LRRC74B: variants seen among roughly 807,000 people sequenced by gnomAD.
The protein encoded by LRRC74B is leucine rich repeat containing 74B, also known as leucine-rich repeat-containing protein 74B.
Under a neutral mutation model 16.6 loss-of-function variants are expected in LRRC74B, and 30 were observed. The observed-to-expected ratio is 1.80, with a 90% confidence interval of 1.35 to 2.45. LRRC74B has a LOEUF of 2.45. LRRC74B is among the 30% of genes most tolerant of loss of function. The probability of loss-of-function intolerance (pLI) is 0.00; values close to 1 mark genes in which losing one functional copy is unlikely to be tolerated. For missense variants in LRRC74B, 326 were observed against 202.4 expected, an observed-to-expected ratio of 1.61 and a Z score of -3.71; for synonymous variants, 134 against 86.0, an observed-to-expected ratio of 1.56 and a Z score of -3.09.
chr22:21,058,281 G>A (rs1930653027), intron 8 of LRRC74B, among the ~76,000 whole-genome samples: 1 of 151,992 alleles, frequency 6.6e-6, no homozygotes, highest in South Asian at 2.1e-4. Flanking sequence ...AGGCTGAGGT[G>A]GGAGGATCCC....
intron 7 of LRRC74B, chr22:21,056,899 G>T: frequency 1.8e-6 from 1 of 570,566 alleles, no homozygotes; most frequent in East Asian, 2.9e-5. Flanking sequence ...TATATCAATC[G>T]GAGGCCTCTC....
intron 4 of LRRC74B, among the ~76,000 whole-genome samples, chr22:21,050,001 A>C (rs141368732): frequency 3.3e-5 from 5 of 152,210 alleles, no homozygotes; most frequent in African/African-American, 1.2e-4. Flanking sequence ...ATGCTGGTGA[A>C]TCTGTATTTT....
At chr22:21,049,819 A>G (rs1929842383) in intron 4 of LRRC74B, among the ~76,000 whole-genome samples, 2 of 151,918 alleles carry the variant, frequency 1.3e-5, no homozygotes, top group Non-Finnish European at 2.9e-5. Flanking sequence ...GGATTCCTTG[A>G]TCTCATCACT....
exon 6 of LRRC74B, chr22:21,053,437 T>G (rs759834792): frequency 2.8e-6 from 2 of 717,322 alleles, no homozygotes; most frequent in South Asian, 1.5e-5. Flanking sequence ...TGGGTGAGGC[T>G]CTGAAGGCCA....
At chr22:21,048,725 A>G (rs2148136648) in intron 3 of LRRC74B, 1 of 564,498 alleles carries the variant, frequency 1.8e-6, no homozygotes, top group East Asian at 3.0e-5. Context: ...ACCAGGAGGT[A>G]GGCGGTTTTA....
At chr22:21,052,758 A>G (rs961014600) in intron 5 of LRRC74B, among the ~76,000 whole-genome samples, 3 of 152,178 alleles carry the variant, frequency 2.0e-5, no homozygotes, top group African/African-American at 7.2e-5. Flanking sequence ...GTTGTGGTTC[A>G]TAGGGCTCGG....
exon 2 of LRRC74B, chr22:21,047,456 C>T (rs1414513634): frequency 2.0e-5 from 14 of 717,406 alleles, no homozygotes; most frequent in South Asian, 4.4e-5. Flanking sequence ...GCCAAGGGAG[C>T]GCCCAAGAGC....
At chr22:21,052,255 C>T in exon 5 of LRRC74B, 2 of 717,498 alleles carry the variant, frequency 2.8e-6, no homozygotes, top group South Asian at 1.5e-5. Flanking sequence ...GAAGGGGAGA[C>T]ACTTGGACCA....
At chr22:21,052,129 A>C (rs896767931) in intron 4 of LRRC74B, 120 bp from the exon 5 acceptor site, 5 of 668,506 alleles carry the variant, frequency 7.5e-6, no homozygotes, top group Non-Finnish European at 1.4e-5. Flanking sequence ...GCAGGCCCAC[A>C]TTAGTTTCAT....
chr22:21,052,405 C>G, intron 5 of LRRC74B, 47 bp downstream of exon 5: 1 of 715,204 alleles, frequency 1.4e-6, no homozygotes, highest in Non-Finnish European at 2.6e-6. Context: ...CTGCTGGGGC[C>G]TGTCTCCCAG....
intron 3 of LRRC74B, chr22:21,048,627 G>T: frequency 2.7e-6 from 1 of 373,586 alleles, no homozygotes; most frequent in South Asian, 3.2e-5. Flanking sequence ...CAACGGGGCT[G>T]TGAGGGCTTC....
At chr22:21,055,123 G>A (rs1422750168) in exon 7 of LRRC74B, 10 of 717,210 alleles carry the variant, frequency 1.4e-5, no homozygotes, top group Non-Finnish European at 2.1e-5. Flanking sequence ...TGCGATGGGA[G>A]CCCTGAGCCT....
At chr22:21,046,517 G>T (rs1296728535) in intron 1 of LRRC74B, among the ~76,000 whole-genome samples, 1 of 152,168 alleles carries the variant, frequency 6.6e-6, no homozygotes, top group East Asian at 1.9e-4. Context: ...CCTGACTCTG[G>T]CAGGATTAGC....
chr22:21,048,262 A>T, intron 3 of LRRC74B: 2 of 504,212 alleles, frequency 4.0e-6, no homozygotes, highest in South Asian at 2.1e-5. Flanking sequence ...GCTGGCCAGC[A>T]TCCCCCTCTT....
At chr22:21,060,490 G>C (rs1930759309) in exon 9 of LRRC74B, 3 of 716,178 alleles carry the variant, frequency 4.2e-6, no homozygotes, top group Admixed American at 4.0e-5. Context: ...GTTGCTGCCA[G>C]TCTTCAGATC....
chr22:21,063,828 A>C (rs1200920027), downstream of LRRC74B: 1 of 152,266 alleles, frequency 6.6e-6, no homozygotes, highest in East Asian at 1.9e-4. Context: ...TACAAAAATT[A>C]GCCAGGTATG....
At chr22:21,053,689 T>A (rs1339095178) in intron 6 of LRRC74B, 3 of 394,978 alleles carry the variant, frequency 7.6e-6, no homozygotes, top group African/African-American at 6.2e-5. Flanking sequence ...AGTGCTGTGA[T>A]CATGGCCCAC....
exon 4 of LRRC74B, chr22:21,049,049 G>C: frequency 1.4e-6 from 1 of 715,908 alleles, no homozygotes; most frequent in Non-Finnish European, 2.6e-6. Context: ...GCAGCTGTCA[G>C]GGAATGGCCT....
At chr22:21,055,829 C>T (rs1296054472) in intron 7 of LRRC74B, among the ~76,000 whole-genome samples, 1 of 152,204 alleles carries the variant, frequency 6.6e-6, no homozygotes, top group Non-Finnish European at 1.5e-5. Context: ...GAAGCATAGA[C>T]CTGCGTTTCG....
Sources: allele counts gnomAD v4.1 joint callset (sites outside exome capture counted in the v4.1 genomes callset), GRCh38; gene constraint gnomAD v4.1.1; transcripts MANE v1.5; gene names NCBI Gene and HGNC (gene_info 2026-07-23, HGNC 2026-07-21).